SRSF7: variants seen among roughly 807,000 people sequenced by gnomAD.
SRSF7 encodes the protein serine and arginine rich splicing factor 7.
A neutral mutation model predicts 42.2 loss-of-function variants in SRSF7; 15 were observed. That is an observed-to-expected ratio of 0.36 (90% CI 0.24 to 0.55). SRSF7 has a LOEUF of 0.55. SRSF7 is among the 20% of genes least tolerant of loss of function. The pLI is 0.88. For synonymous variants in SRSF7, 138 were observed against 107.9 expected (o/e 1.28, Z -1.73); for missense variants, 181 against 305.9 (o/e 0.59, Z 3.04).
chr2:38,748,265 G>C (rs1667779388), intron 4 of SRSF7, 108 bp from the exon 5 acceptor site: 1 of 815,936 alleles, frequency 1.2e-6, no homozygotes, highest in African/African-American at 1.7e-5. Context: ...TCCCAGCACT[G>C]CGGGAGGATC....
At chr2:38,747,225 T>G (rs1479833995) in intron 5 of SRSF7, 4 of 367,146 alleles carry the variant, frequency 1.1e-5, no homozygotes, top group Non-Finnish European at 2.3e-5. Context: ...TTGTAAGGCT[T>G]TATTCCTGGA....
In SRSF7 at chr2:38,743,943, T is replaced by C; in HGVS notation, c.*1190A>G. The C allele has an allele frequency of 5.9e-5, 9 of 151,868 alleles. No homozygotes were observed. The highest frequency in any genetic ancestry group is 2.2e-4 in the African/African-American group (9 of 41,318). The allele number at this position is 151,868 out of a possible 1,614,324, so 9.4% of individuals were successfully genotyped here. A position where few individuals can be genotyped will look rare whatever the true frequency, so the allele number is the denominator to read the frequency against. Reference sequence around the variant, plus strand: ...AGGCTAGAGAATGCCTGGTAAAAGCTTGACCAGAAAACTCTCAAAAGTAAC... The same window carrying C: ...AGGCTAGAGAATGCCTGGTAAAAGCCTGACCAGAAAACTCTCAAAAGTAAC... On this transcript the variant is annotated 3_prime_UTR_variant, in exon 8 of 8. Coordinates refer to ENST00000313117, the MANE Select transcript of SRSF7 (RefSeq NM_001031684.3).
chr2:38,749,839 C>G (rs1668015063), intron 2 of SRSF7, 134 bp from the exon 3 acceptor site: 1 of 1,252,288 alleles, frequency 8.0e-7, no homozygotes, highest in South Asian at 1.7e-5. Context: ...CGGTCTTTAC[C>G]AAGCCCTAAC....
chr2:38,747,961 A>C, intron 5 of SRSF7, 86 bp downstream of exon 5: 1 of 884,732 alleles, frequency 1.1e-6, no homozygotes, highest in Non-Finnish European at 1.7e-6. Context: ...TCCCTGAAGC[A>C]ATCCATTTGA....
chr2:38,748,940 T>C lies in SRSF7; in HGVS notation c.387-287A>G. On this transcript the variant is annotated intron_variant, in intron 3 of 7. Coordinates refer to ENST00000313117, the MANE Select transcript of SRSF7 (RefSeq NM_001031684.3). ...CGACCCTCTTTGGCCCATGGTCTAG[T>C]AGATCTAGACGATCTAGAAGTATCT... 3.8e-6 allele frequency: 5 copies of C among 1,329,354 alleles called. No individual in the cohort carries two copies. The African/African-American group carries it at 6.0e-5, about 16-fold the overall frequency. 82.3% of individuals were successfully genotyped at this position (1,329,354 alleles called of 1,614,324 possible). A position where few individuals can be genotyped will look rare whatever the true frequency, so the allele number is the denominator to read the frequency against.
chr2:38,745,415 G>A (rs575359566), intron 7 of SRSF7, among the ~76,000 whole-genome samples: 2 of 150,116 alleles, frequency 1.3e-5, no homozygotes, highest in African/African-American at 2.4e-5. Context: ...CACTTTGGGA[G>A]AGGCCGAGGC....
chr2:38,750,938 G>A (rs1668247206), intron 1 of SRSF7: 3 of 374,052 alleles, frequency 8.0e-6, no homozygotes, highest in Non-Finnish European at 1.0e-5. Flanking sequence ...GGGGAGGGGG[G>A]CCGGCGGGCA....
Position 38,751,337 on chromosome 2 carries a change from C to T in SRSF7, c.-81G>A. On this transcript the variant is annotated 5_prime_UTR_variant, in exon 1 of 8. Coordinates refer to ENST00000313117, the MANE Select transcript of SRSF7 (RefSeq NM_001031684.3). ...CGCAAAAGCTGACACACACCTTCAC[C>T]CGCCAAGAGTCCCGGCGGCACTACG... is the stretch of plus-strand genomic sequence containing the variant. The T allele has an allele frequency of 4.4e-6, 7 of 1,594,448 alleles. No homozygotes were observed. Among genetic ancestry groups the T allele is most frequent in the East Asian group, 4.5e-5 (2 of 44,708 alleles).
chr2:38,746,787 T>C, intron 5 of SRSF7, 40 bp from the exon 6 acceptor site: 3 of 1,608,872 alleles, frequency 1.9e-6, no homozygotes, highest in Non-Finnish European at 2.5e-6. Context: ...TATCAATCAG[T>C]CCAAAGGAAT....
intron 5 of SRSF7, 100 bp from the exon 6 acceptor site, chr2:38,746,847 A>G (rs1038594430): frequency 2.7e-5 from 42 of 1,553,200 alleles, no homozygotes; most frequent in Non-Finnish European, 3.4e-5. Context: ...TAAAGAAGCT[A>G]AAACTAAACA....
chr2:38,750,908 AGCC>A, intron 1 of SRSF7: 1 of 367,478 alleles, frequency 2.7e-6, no homozygotes, highest in South Asian at 2.7e-5. Context: ...GCAAAATGGC[AGCC>A]GCCGCCGAGG....
rs539577011 is a variant in SRSF7 at position 38,748,543 on chromosome 2, A to G, written c.461+36T>C. On this transcript the variant is annotated intron_variant, in intron 4 of 7. Coordinates refer to ENST00000313117, the MANE Select transcript of SRSF7 (RefSeq NM_001031684.3). ...TGTTGGACTACCAGTGAATTTAATA[A>G]TAATACAGAAAGACTTCAGTTAAAC... 1.6e-5 allele frequency: 25 copies of G among 1,596,618 alleles called. No homozygotes were observed. In the East Asian group the frequency reaches 5.6e-4, roughly 36 times the overall value.
In SRSF7 at chr2:38,744,432, A is replaced by C; in HGVS notation, c.*701T>G. On this transcript the variant is annotated 3_prime_UTR_variant, in exon 8 of 8. Transcript: ENST00000313117. ...GAGTAGAACTCCCCATATCTTGGGG[A>C]GTCCTAATTAACACTATGCCACCTA... 1 of 152,552 alleles carries C rather than the reference A, an allele frequency of 6.6e-6. No individual in the cohort carries two copies. Among genetic ancestry groups the C allele is most frequent in the East Asian group, 1.9e-4 (1 of 5,190 alleles). 9.4% of individuals were successfully genotyped at this position (152,552 alleles called of 1,614,324 possible).
Position 38,745,032 on chromosome 2 carries a change from T to C in SRSF7, c.*101A>G. The C allele has an allele frequency of 1.7e-6, 2 of 1,177,910 alleles. No individual in the cohort carries two copies. The highest frequency in any genetic ancestry group is 2.4e-6 in the Non-Finnish European group (2 of 817,338). 73.0% of individuals were successfully genotyped at this position (1,177,910 alleles called of 1,614,324 possible). ...GTAATCCAGATCCATTTTGATTAGATGGTTGAATTATCTTTCCTAGGTTAC... is the reference window on the plus strand; with the variant it reads ...GTAATCCAGATCCATTTTGATTAGACGGTTGAATTATCTTTCCTAGGTTAC... On this transcript the variant is annotated 3_prime_UTR_variant, in exon 8 of 8. Transcript: ENST00000313117.
intron 4 of SRSF7, 63 bp downstream of exon 4, chr2:38,748,516 T>C: frequency 7.8e-6 from 12 of 1,532,902 alleles, no homozygotes; most frequent in South Asian, 1.1e-5. Flanking sequence ...GAGCTTTTTC[T>C]GTGTTGGACT....
intron 1 of SRSF7, 99 bp from the exon 2 acceptor site, chr2:38,750,293 TA>T: frequency 8.9e-7 from 1 of 1,119,660 alleles, no homozygotes; most frequent in Non-Finnish European, 1.3e-6. Flanking sequence ...CAAGATTGGG[TA>T]AAGCACATTT....
Position 38,743,866 on chromosome 2 carries a change from T to C in SRSF7, c.*1267A>G. ...AATGACTTTGCTGAAATGCATAAAA[T>C]GGACAAGCCTAGGTATCTGCGCAAC... is the stretch of plus-strand genomic sequence containing the variant. On this transcript the variant is annotated 3_prime_UTR_variant, in exon 8 of 8. Transcript: ENST00000313117. 2.0e-5 allele frequency: 3 copies of C among 151,540 alleles called. No homozygotes were observed. Among genetic ancestry groups the C allele is most frequent in the Admixed American group, 6.6e-5 (1 of 15,156 alleles). 9.4% of individuals were successfully genotyped at this position (151,540 alleles called of 1,614,324 possible). A position where few individuals can be genotyped will look rare whatever the true frequency, so the allele number is the denominator to read the frequency against.
chr2:38,745,100 A>AT lies in SRSF7; in HGVS notation c.*32dup. On this transcript the variant is annotated 3_prime_UTR_variant, in exon 8 of 8. Transcript: ENST00000313117. ...AATCCCTTATAATAATGTAAACAAAATAACTTTTCCCTAAAGGGTGAACTT... is the reference window on the plus strand; with the variant it reads ...AATCCCTTATAATAATGTAAACAAAATTAACTTTTCCCTAAAGGGTGAACTT... The AT allele has an allele frequency of 6.2e-7, 1 of 1,610,864 alleles. No individual in the cohort carries two copies. Among genetic ancestry groups the AT allele is most frequent in the Admixed American group, 1.7e-5 (1 of 59,784 alleles).
chr2:38,747,207 C>CA (rs1402194068), intron 5 of SRSF7: 2 of 395,922 alleles, frequency 5.1e-6, no homozygotes, highest in Non-Finnish European at 1.1e-5. Context: ...AAGAAAGCCG[C>CA]CCCCCATTTG....
Sources: allele counts gnomAD v4.1 joint callset (sites outside exome capture counted in the v4.1 genomes callset), GRCh38; gene constraint gnomAD v4.1.1; transcripts MANE v1.5; gene names NCBI Gene and HGNC (gene_info 2026-07-23, HGNC 2026-07-21).